The following CTNNA2 variants were observed in gnomAD, a reference collection of about 807,000 sequenced individuals.
CTNNA2 encodes the protein catenin alpha 2.
A neutral mutation model predicts 101.0 loss-of-function variants in CTNNA2; 42 were observed. The observed-to-expected ratio is 0.42, with a 90% confidence interval of 0.32 to 0.54. CTNNA2 has a LOEUF of 0.54. Among genes scored for constraint, CTNNA2 ranks in the 20% least tolerant of loss-of-function variants. CTNNA2 has a pLI of 0.14. For missense variants in CTNNA2, 871 were observed against 1,223.1 expected (o/e 0.71, Z 4.29); for synonymous variants, 450 against 456.4 (o/e 0.99, Z 0.18).
At chr2:80,276,320 G>A (rs1476781740) in intron 7 of CTNNA2, among the ~76,000 whole-genome samples, 1 of 152,044 alleles carries the variant, frequency 6.6e-6, no homozygotes, top group Non-Finnish European at 1.5e-5. Flanking sequence ...ATAAGTTTTG[G>A]GTGTTTGTCC....
chr2:79,280,899 G>A lies in CTNNA2; in HGVS notation c.-405-31810G>A, dbSNP rs144924093. 8.5e-5 allele frequency among the ~76,000 whole-genome samples: 13 copies of A among 152,064 alleles called. No individual in the cohort carries two copies. In the East Asian group the frequency reaches 2.5e-3, roughly 30 times the overall value. ...AAAGGCCAGAACCAATGACACACCC[G>A]TATCATACTAGAAAGCCTGATGGGA... On this transcript the variant is annotated intron_variant, in intron 2 of 21. Coordinates refer to the CTNNA2 transcript ENST00000466387.
chr2:79,678,153 G>A (rs1007751680), intron 2 of CTNNA2, among the ~76,000 whole-genome samples: 6 of 152,134 alleles, frequency 3.9e-5, no homozygotes, highest in South Asian at 4.1e-4. Flanking sequence ...GTGCTTTCCC[G>A]TAAATTGCCT....
chr2:79,443,234 C>A (rs1678795965), intron 4 of CTNNA2, among the ~76,000 whole-genome samples: 1 of 152,224 alleles, frequency 6.6e-6, no homozygotes, highest in East Asian at 1.9e-4. Flanking sequence ...ACCTAAGGAA[C>A]CTGTTGGTGC....
At chr2:80,175,245 G>A (rs1241791023) in intron 7 of CTNNA2, among the ~76,000 whole-genome samples, 15 of 152,152 alleles carry the variant, frequency 9.9e-5, no homozygotes, top group Non-Finnish European at 5.9e-5. Context: ...CAGCTCAAAT[G>A]CCCCCATTAT....
intron 2 of CTNNA2, among the ~76,000 whole-genome samples, chr2:79,257,175 A>G (rs1436663493): frequency 6.6e-6 from 1 of 152,158 alleles, no homozygotes; most frequent in Non-Finnish European, 1.5e-5. Context: ...AAAAGTTAAG[A>G]ATAATCCATG....
At chr2:79,552,989 A>C (rs1055825060) in intron 1 of CTNNA2, among the ~76,000 whole-genome samples, 1 of 152,240 alleles carries the variant, frequency 6.6e-6, no homozygotes. Context: ...AAATTTCTGC[A>C]GCTGGCTTGA....
At chr2:79,973,111 C>A (rs1227153467) in intron 7 of CTNNA2, among the ~76,000 whole-genome samples, 1 of 151,898 alleles carries the variant, frequency 6.6e-6, no homozygotes, top group African/African-American at 2.4e-5. Context: ...GAAATAAATT[C>A]TCTATTTTCC....
At chr2:80,078,517 C>T (rs546008305) in intron 7 of CTNNA2, among the ~76,000 whole-genome samples, 1 of 152,286 alleles carries the variant, frequency 6.6e-6, no homozygotes, top group South Asian at 2.1e-4. Flanking sequence ...GGTATGTATC[C>T]ATTCAGCTTT....
intron 7 of CTNNA2, among the ~76,000 whole-genome samples, chr2:80,308,552 A>G (rs1051032830): frequency 2.6e-5 from 4 of 152,160 alleles, no homozygotes. Context: ...CAGAATGCTC[A>G]AAAGGTGCAT....
intron 7 of CTNNA2, among the ~76,000 whole-genome samples, chr2:80,315,885 A>T (rs995724850): frequency 2.0e-5 from 3 of 152,154 alleles, no homozygotes; most frequent in African/African-American, 7.2e-5. Context: ...AACACTGAGG[A>T]CCAGCAGTGC....
intron 7 of CTNNA2, among the ~76,000 whole-genome samples, chr2:80,210,720 G>C (rs1420595340): frequency 6.6e-6 from 1 of 151,984 alleles, no homozygotes; most frequent in Non-Finnish European, 1.5e-5. Context: ...TAATCCTTTG[G>C]GTATATACCC....
At chr2:80,069,300 C>T (rs1418464931) in intron 7 of CTNNA2, among the ~76,000 whole-genome samples, 8 of 152,174 alleles carry the variant, frequency 5.3e-5, no homozygotes, top group Admixed American at 5.2e-4. Context: ...TATTCCGGAA[C>T]ACCGTCACAG....
chr2:80,370,486 A>AGGCCAAGT (rs1383427875), intron 7 of CTNNA2, among the ~76,000 whole-genome samples: 3 of 152,160 alleles, frequency 2.0e-5, no homozygotes, highest in Non-Finnish European at 4.4e-5. Context: ...AGCCATAATA[A>AGGCCAAGT]GGCCAAGTCA....
chr2:80,455,823 T>G (rs1971854), intron 9 of CTNNA2, among the ~76,000 whole-genome samples: 62,283 of 151,854 alleles, frequency 0.41, 14,382 homozygotes, highest in East Asian at 0.74. Context: ...GAATGGTGTG[T>G]CTGGATGCAT....
rs770756879 is a variant in CTNNA2 at position 79,437,961 on chromosome 2, C to T, written c.-135+63948C>T. Among the ~76,000 whole-genome samples, 18 of 152,028 alleles carry T rather than the reference C, an allele frequency of 1.2e-4. 1 individual carries two copies. The highest frequency in any genetic ancestry group is 2.4e-4 in the Non-Finnish European group (16 of 68,028). The stretch of plus-strand genomic sequence containing the variant: ...CCAACTAGAGAGGCTATGATGGTTT[C>T]TGTGCCTTTGTCCCTGGACTCCAAT... On this transcript the variant is annotated intron_variant, in intron 4 of 21. Coordinates refer to the CTNNA2 transcript ENST00000466387.
intron 4 of CTNNA2, among the ~76,000 whole-genome samples, chr2:79,863,309 G>T (rs1681771108): frequency 6.6e-6 from 1 of 152,222 alleles, no homozygotes; most frequent in South Asian, 2.1e-4. Context: ...AATGGGATCA[G>T]TTTAACCATA....
chr2:80,224,937 C>T (rs749060258), intron 7 of CTNNA2, among the ~76,000 whole-genome samples: 7 of 152,162 alleles, frequency 4.6e-5, no homozygotes, highest in Admixed American at 2.6e-4. Context: ...ACCTAACCCC[C>T]CTGCCCAGTT....
intron 9 of CTNNA2, among the ~76,000 whole-genome samples, chr2:80,487,657 A>G (rs1293373931): frequency 6.6e-6 from 1 of 152,170 alleles, no homozygotes; most frequent in African/African-American, 2.4e-5. Context: ...TATGGGAACT[A>G]CAGTTCAAGG....
At chr2:80,193,101 TA>T (rs1269495146) in intron 7 of CTNNA2, among the ~76,000 whole-genome samples, 2 of 152,224 alleles carry the variant, frequency 1.3e-5, no homozygotes, top group Non-Finnish European at 2.9e-5. Context: ...TTCATATTCA[TA>T]AAATGAGCAG....
Sources: allele counts gnomAD v4.1 joint callset (sites outside exome capture counted in the v4.1 genomes callset), GRCh38; gene constraint gnomAD v4.1.1; transcripts MANE v1.5; gene names NCBI Gene and HGNC (gene_info 2026-07-23, HGNC 2026-07-21).